The following CPLANE1 variants were observed in gnomAD, a reference collection of about 807,000 sequenced individuals.
CPLANE1 encodes the protein ciliogenesis and planar polarity effector complex subunit 1.
CPLANE1 carries 263 observed loss-of-function variants against 362.5 expected under a neutral mutation model. The ratio of observed to expected loss-of-function variants is 0.73; its 90% CI spans 0.66 to 0.80. The LOEUF (loss-of-function observed/expected upper bound fraction) is 0.80. CPLANE1 is among the 30% of genes least tolerant of loss of function. CPLANE1 has a pLI of 0.00. For synonymous variants in CPLANE1, 1,212 were observed against 1,302.6 expected, an observed-to-expected ratio of 0.93 and a Z score of 1.50; for missense variants, 3,461 against 3,793.4, an observed-to-expected ratio of 0.91 and a Z score of 2.30.
chr5:37,146,875 G>A (rs1055279737), intron 43 of CPLANE1, among the ~76,000 whole-genome samples: 1 of 152,042 alleles, frequency 6.6e-6, no homozygotes, highest in East Asian at 1.9e-4. Flanking sequence ...GGGTAGTAAT[G>A]TTCATATTAA....
Position 37,247,858 on chromosome 5 carries a change from T to C in CPLANE1, c.-47-113A>G. ...TGTTGCCCCAGCTGGAGTGCAGTGATATGATCTCAGCTCACTGCAACCTCC... is the reference window on the plus strand; with the variant it reads ...TGTTGCCCCAGCTGGAGTGCAGTGACATGATCTCAGCTCACTGCAACCTCC... On this transcript the variant is annotated intron_variant, in intron 1 of 52. Coordinates refer to ENST00000651892, the MANE Select transcript of CPLANE1 (RefSeq NM_001384732.1). 6.9e-6 allele frequency: 5 copies of C among 724,894 alleles called. No homozygotes were observed. In the South Asian group the frequency reaches 1.1e-4, roughly 16 times the overall value. 44.9% of individuals were successfully genotyped at this position (724,894 alleles called of 1,614,324 possible).
At chr5:37,192,869 A>C (rs552952553) in intron 21 of CPLANE1, among the ~76,000 whole-genome samples, 2 of 138,368 alleles carry the variant, frequency 1.4e-5, no homozygotes, top group East Asian at 2.2e-4. Flanking sequence ...AAAAAAAAAA[A>C]AACAAATACC....
Position 37,249,361 on chromosome 5 carries a change from C to T in CPLANE1, c.-164G>A. On this transcript the variant is annotated 5_prime_UTR_variant, in exon 1 of 53. Transcript: ENST00000651892. The stretch of plus-strand genomic sequence containing the variant: ...GCCCTACCGCCAGCCCTGACGCGAG[C>T]CTGCGTCCTGGCGACGGCGGAGGGC... 6.6e-6 allele frequency: 1 copy of T among 152,468 alleles called. No homozygotes were observed. The highest frequency in any genetic ancestry group is 1.5e-5 in the Non-Finnish European group (1 of 68,172). 9.4% of individuals were successfully genotyped at this position (152,468 alleles called of 1,614,324 possible).
chr5:37,240,219 G>A (rs1800046490), intron 6 of CPLANE1, among the ~76,000 whole-genome samples: 1 of 152,120 alleles, frequency 6.6e-6, no homozygotes. Flanking sequence ...GCATGGTGGA[G>A]TGCACCTGTA....
chr5:37,134,058 T>G (rs551264570), intron 46 of CPLANE1, among the ~76,000 whole-genome samples: 1 of 152,326 alleles, frequency 6.6e-6, no homozygotes, highest in African/African-American at 2.4e-5. Flanking sequence ...TTGTTGAAGA[T>G]TTTTTACTTC....
intron 6 of CPLANE1, among the ~76,000 whole-genome samples, chr5:37,240,564 C>A (rs1199157098): frequency 6.6e-6 from 1 of 152,062 alleles, no homozygotes; most frequent in Admixed American, 6.6e-5. Flanking sequence ...CCAGATCTCC[C>A]GTGAACTCAG....
chr5:37,137,970 C>T (rs1348398222), intron 46 of CPLANE1, among the ~76,000 whole-genome samples: 1 of 151,270 alleles, frequency 6.6e-6, no homozygotes, highest in African/African-American at 2.4e-5. Context: ...AGCATTTGGT[C>T]GATCTTGGAG....
chr5:37,101,340 C>A (rs1757277996), downstream of CPLANE1, among the ~76,000 whole-genome samples: 1 of 152,066 alleles, frequency 6.6e-6, no homozygotes, highest in Non-Finnish European at 1.5e-5. Context: ...TATCAAAGGC[C>A]TTTTCTGTGT....
At chr5:37,099,488 G>T in the CPLANE1 span, among the ~76,000 whole-genome samples, 1 of 152,070 alleles carries the variant, frequency 6.6e-6, no homozygotes, top group Non-Finnish European at 1.5e-5. Context: ...ACTTTTTATG[G>T]CTGCATAGTA....
At chr5:37,196,019 C>T (rs531407167) in intron 20 of CPLANE1, 23 bp from the exon 21 acceptor site, 3 of 1,576,974 alleles carry the variant, frequency 1.9e-6, no homozygotes, top group Non-Finnish European at 2.6e-6. Flanking sequence ...AATAACCGAA[C>T]ATGTTAATTA....
In CPLANE1 at chr5:37,195,558, C is replaced by G. The variant is rs1580631604; in HGVS notation, c.3811+300G>C. On this transcript the variant is annotated intron_variant, in intron 21 of 52. Transcript: ENST00000651892. ...GTGTTGCAGTGAGTTAAGATCATGC[C>G]ACTGCACTCCAGACTGGGCAACAGA... 2.0e-5 allele frequency among the ~76,000 whole-genome samples: 3 copies of G among 150,800 alleles called. No homozygotes were observed. In the South Asian group the frequency reaches 6.3e-4, roughly 32 times the overall value.
chr5:37,210,983 C>T lies in CPLANE1; in HGVS notation c.2920+2576G>A, dbSNP rs139979441. 10 of 784,922 alleles carry T rather than the reference C, an allele frequency of 1.3e-5. No individual in the cohort carries two copies. The Admixed American group carries it at 1.4e-4, about 11-fold the overall frequency. 48.6% of individuals were successfully genotyped at this position (784,922 alleles called of 1,614,324 possible). ...TAAAGAGGTTAACTATTCAGGTTGCCGATTTAAAATCGCAATTGAAGCAAA... is the reference window on the plus strand; with the variant it reads ...TAAAGAGGTTAACTATTCAGGTTGCTGATTTAAAATCGCAATTGAAGCAAA... On this transcript the variant is annotated intron_variant, in intron 16 of 52. Coordinates refer to ENST00000651892, the MANE Select transcript of CPLANE1 (RefSeq NM_001384732.1).
chr5:37,085,592 G>A, the CPLANE1 span: 2 of 884,148 alleles, frequency 2.3e-6, no homozygotes. Flanking sequence ...CTGGTACACT[G>A]GTAACCTGTG....
chr5:37,153,464 T>TAG (rs771225237), intron 42 of CPLANE1, among the ~76,000 whole-genome samples: 14 of 152,146 alleles, frequency 9.2e-5, no homozygotes, highest in Non-Finnish European at 1.8e-4. Context: ...TGGCATTATC[T>TAG]AGAGACATTT....
chr5:37,098,351 A>G, the CPLANE1 span, among the ~76,000 whole-genome samples: 1 of 133,346 alleles, frequency 7.5e-6, no homozygotes, highest in African/African-American at 2.9e-5. Context: ...ATATCATGCC[A>G]CCGTACTCCA....
At chr5:37,197,708 A>T (rs1160857068) in intron 20 of CPLANE1, among the ~76,000 whole-genome samples, 3 of 152,206 alleles carry the variant, frequency 2.0e-5, no homozygotes, top group Non-Finnish European at 4.4e-5. Flanking sequence ...TCTTTGTTTC[A>T]GCACCATTTT....
At chr5:37,192,313 A>G (rs1308501312) in intron 21 of CPLANE1, among the ~76,000 whole-genome samples, 1 of 152,136 alleles carries the variant, frequency 6.6e-6, no homozygotes, top group Non-Finnish European at 1.5e-5. Flanking sequence ...CAATCATTGC[A>G]TACAATAGCC....
At chr5:37,214,567 T>A (rs955642988) in intron 15 of CPLANE1, among the ~76,000 whole-genome samples, 3 of 152,212 alleles carry the variant, frequency 2.0e-5, no homozygotes, top group African/African-American at 7.2e-5. Flanking sequence ...CACATAAAGA[T>A]AAAGTATTAA....
chr5:37,144,572 C>T (rs1036911912), intron 43 of CPLANE1, among the ~76,000 whole-genome samples: 4 of 149,376 alleles, frequency 2.7e-5, no homozygotes, highest in Admixed American at 6.6e-5. Flanking sequence ...AAATTTTAGG[C>T]CGGGCACGGT....
Sources: gnomAD v4.1 joint callset for allele counts (sites outside exome capture counted in the v4.1 genomes callset) on GRCh38, gnomAD v4.1.1 for gene constraint, MANE v1.5 for transcripts, NCBI Gene and HGNC (gene_info 2026-07-23, HGNC 2026-07-21) for gene names.